Variants in DPYSL3 observed in about 807,000 individuals in gnomAD.
DPYSL3 encodes the protein dihydropyrimidinase like 3.
In DPYSL3, 16 loss-of-function variants were observed where a neutral mutation model predicts 66.1. The observed-to-expected ratio is 0.24, with a 90% confidence interval of 0.16 to 0.37. The LOEUF is 0.37. DPYSL3 is among the 10% of genes least tolerant of loss of function. DPYSL3 has a pLI of 1.00. For synonymous variants in DPYSL3, 338 were observed against 345.1 expected (o/e 0.98, Z 0.23); for missense variants, 738 against 916.2 (o/e 0.81, Z 2.51).
chr5:147,445,443 TC>T (rs1752613400), intron 1 of DPYSL3, among the ~76,000 whole-genome samples: 1 of 152,238 alleles, frequency 6.6e-6, no homozygotes, highest in South Asian at 2.1e-4. Flanking sequence ...TGGTACACTT[TC>T]AGGTGATCTT....
chr5:147,415,922 T>C (rs1751958528), intron 3 of DPYSL3, 49 bp from the exon 4 acceptor site: 7 of 1,594,538 alleles, frequency 4.4e-6, no homozygotes, highest in Non-Finnish European at 6.0e-6. Flanking sequence ...CAGCCTTTGC[T>C]CCCCTCTGCC....
intron 1 of DPYSL3, among the ~76,000 whole-genome samples, chr5:147,448,388 G>A (rs1752668059): frequency 6.6e-6 from 1 of 152,184 alleles, no homozygotes; most frequent in Non-Finnish European, 1.5e-5. Context: ...TAGGAACACT[G>A]TAACGTAACT....
At position 147,395,579 on chromosome 5, in the gene DPYSL3, T is replaced by C; in HGVS notation, c.1946A>G (p.Gln649Arg). 7 of 1,613,530 alleles carry C rather than the reference T, an allele frequency of 4.3e-6. No homozygotes were observed. Among genetic ancestry groups the C allele is most frequent in the Non-Finnish European group, 5.9e-6 (7 of 1,179,798 alleles). ...CTCACCTGACAGGCTAAATCCCGAC[T>C]GATGAAGATTCCTCACAGGTGGGTT... ...RPNPPVRNLHQSGFSLSGTQV... is the reference protein window; with the variant it reads ...RPNPPVRNLHRSGFSLSGTQV... Residue 649 changes from glutamine (Q) to arginine (R), a missense_variant, in exon 13 of 14, where the codon CAG (glutamine) becomes CGG (arginine). Coordinates refer to ENST00000343218, the MANE Select transcript of DPYSL3 (RefSeq NM_001197294.2).
chr5:147,451,929 A>C (rs780336101), intron 1 of DPYSL3, among the ~76,000 whole-genome samples: 6 of 152,108 alleles, frequency 3.9e-5, no homozygotes, highest in Non-Finnish European at 5.9e-5. Flanking sequence ...ATTGTAAAAG[A>C]CCCACGATGT....
chr5:147,491,517 A>G (rs1490550230), intron 1 of DPYSL3, among the ~76,000 whole-genome samples: 2 of 152,214 alleles, frequency 1.3e-5, no homozygotes, highest in African/African-American at 4.8e-5. Flanking sequence ...ACTATGAATA[A>G]CATGCTAAGG....
chr5:147,418,314 G>T lies in DPYSL3; in HGVS notation c.655+133C>A, dbSNP rs537013569. The stretch of plus-strand genomic sequence containing the variant: ...CCTCAGCTCAATCTGCTTTTCTCAG[G>T]TCCCATCAGGCAACACATCTATAAA... On this transcript the variant is annotated intron_variant, in intron 3 of 13. Coordinates refer to ENST00000343218, the MANE Select transcript of DPYSL3 (RefSeq NM_001197294.2). The T allele has an allele frequency of 2.7e-4, 234 of 877,608 alleles. 1 individual carries two copies. The highest frequency in any genetic ancestry group is 3.4e-4 in the Non-Finnish European group (205 of 604,768). 54.4% of individuals were successfully genotyped at this position (877,608 alleles called of 1,614,324 possible). A position where few individuals can be genotyped will look rare whatever the true frequency, so the allele number is the denominator to read the frequency against.
chr5:147,509,980 G>A lies in DPYSL3; in HGVS notation c.-122C>T. ...AGGAGGCGCCTGAGCCTTCGCGCCAGAGGCGGCAGTGCTGCTCCGATTCCT... is the reference window on the plus strand; with the variant it reads ...AGGAGGCGCCTGAGCCTTCGCGCCAAAGGCGGCAGTGCTGCTCCGATTCCT... On this transcript the variant is annotated 5_prime_UTR_variant, in exon 1 of 14. Transcript: ENST00000343218. This position sits in a 1 kb window ranked among gnomAD's most constrained non-coding sequence, Gnocchi z 5.3. 7.2e-7 allele frequency: 1 copy of A among 1,395,730 alleles called. No individual in the cohort carries two copies. The highest frequency in any genetic ancestry group is 2.9e-5 in the Admixed American group (1 of 34,948). 86.5% of individuals were successfully genotyped at this position (1,395,730 alleles called of 1,614,324 possible).
At chr5:147,407,083 G>A (rs548991424) in intron 7 of DPYSL3, among the ~76,000 whole-genome samples, 1 of 152,246 alleles carries the variant, frequency 6.6e-6, no homozygotes, top group South Asian at 2.1e-4. Context: ...ACTTGAGGTG[G>A]TGTCTGGGTA....
intron 1 of DPYSL3, among the ~76,000 whole-genome samples, chr5:147,479,495 G>A (rs1284393823): frequency 2.6e-5 from 4 of 152,172 alleles, no homozygotes; most frequent in African/African-American, 9.7e-5. Context: ...AAAAGGAGGT[G>A]AAACACAATG....
chr5:147,453,413 G>A lies in DPYSL3; in HGVS notation c.382-28450C>T, dbSNP rs541665731. ...CCGGCTGGACTGACCGCCGCGCTCC[G>A]CCACCCGGACCCCGGGTCTCCGTCC... On this transcript the variant is annotated intron_variant, in intron 1 of 13. Transcript: ENST00000343218. The A allele has an allele frequency of 1.7e-5, 22 of 1,309,262 alleles. No homozygotes were observed. In the East Asian group the frequency reaches 4.9e-4, roughly 29 times the overall value. The allele number at this position is 1,309,262 out of a possible 1,614,324, so 81.1% of individuals were successfully genotyped here.
intron 1 of DPYSL3, among the ~76,000 whole-genome samples, chr5:147,492,081 A>T (rs549222001): frequency 6.6e-6 from 1 of 152,160 alleles, no homozygotes; most frequent in African/African-American, 2.4e-5. Context: ...TAGCAAAGCA[A>T]ACATGAAAAT....
In DPYSL3 at chr5:147,426,044, T is replaced by TCCA. The variant is rs1561783539; in HGVS notation, c.382-1082_382-1081insTGG. Among the ~76,000 whole-genome samples, 13 of 151,312 alleles carry TCCA rather than the reference T, an allele frequency of 8.6e-5. No homozygotes were observed. The East Asian group carries it at 2.5e-3, about 29-fold the overall frequency. On this transcript the variant is annotated intron_variant, in intron 1 of 13. Coordinates refer to ENST00000343218, the MANE Select transcript of DPYSL3 (RefSeq NM_001197294.2). ...ATCCATCCATCCATCCATCCATCCA[T>TCCA]TCATCCATCCATTCATTCCCAGGTC...
At chr5:147,431,205 G>A (rs928509779) in intron 1 of DPYSL3, among the ~76,000 whole-genome samples, 1 of 152,128 alleles carries the variant, frequency 6.6e-6, no homozygotes, top group Non-Finnish European at 1.5e-5. Context: ...AAGAAGAGAG[G>A]AAAAACCAGA....
chr5:147,399,271 T>C lies in DPYSL3; in HGVS notation c.1453-19A>G. ...CTGTGGCCTATTGAAATATAAGAAA[T>C]TATATCTATATCTATAGCTACATAT... On this transcript the variant is annotated intron_variant, in intron 10 of 13. Transcript: ENST00000343218. The C allele has an allele frequency of 6.2e-7, 1 of 1,612,084 alleles. No individual in the cohort carries two copies. Among genetic ancestry groups the C allele is most frequent in the South Asian group, 1.1e-5 (1 of 90,772 alleles).
intron 1 of DPYSL3, among the ~76,000 whole-genome samples, chr5:147,427,078 C>T (rs1431864872): frequency 6.6e-6 from 1 of 152,176 alleles, no homozygotes; most frequent in African/African-American, 2.4e-5. Context: ...TTATCAGGCT[C>T]TCTGTCCACT....
rs73264230 is a variant in DPYSL3, at chr5:147,439,351, A to G, written c.382-14388T>C. Among the ~76,000 whole-genome samples the G allele has an allele frequency of 5.9e-3, 889 of 151,048 alleles. 10 individuals carry two copies. Among genetic ancestry groups the G allele is most frequent in the African/African-American group, 0.021 (867 of 41,116 alleles). The stretch of plus-strand genomic sequence containing the variant: ...ATGTCTAAGGAGCTGTCTCCTGAAC[A>G]GATGTGAATAATCTGAGTCCTAGGG... On this transcript the variant is annotated intron_variant, in intron 1 of 13. Transcript: ENST00000343218.
chr5:147,473,550 G>A (rs1753113346), intron 1 of DPYSL3, among the ~76,000 whole-genome samples: 1 of 152,148 alleles, frequency 6.6e-6, no homozygotes, highest in African/African-American at 2.4e-5. Context: ...TGAATGAAAT[G>A]TTATCACAAA....
intron 1 of DPYSL3, among the ~76,000 whole-genome samples, chr5:147,477,561 CTTTTTTTTTTTTTTTTTTTT>C (rs56406515): frequency 6.2e-5 from 4 of 64,762 alleles, no homozygotes; most frequent in Non-Finnish European, 1.1e-4. Context: ...ACACCTAAAT[CTTTTTTTTTTTTTTTTTTTT>C]TTTTTTTTTT....
chr5:147,486,425 G>A (rs1368367), intron 1 of DPYSL3, among the ~76,000 whole-genome samples: 83,451 of 152,000 alleles, frequency 0.55, 23,706 homozygotes, highest in African/African-American at 0.69. Flanking sequence ...CCTATTTGTA[G>A]AGTGAAAAGG....
Sources: gnomAD v4.1 joint callset for allele counts (sites outside exome capture counted in the v4.1 genomes callset) on GRCh38, gnomAD v4.1.1 for gene constraint, Gnocchi (gnomAD v3.1) non-coding constraint, MANE v1.5 for transcripts, NCBI Gene and HGNC (gene_info 2026-07-23, HGNC 2026-07-21) for gene names.